FSHR: variants seen among roughly 807,000 people sequenced by gnomAD.
The protein encoded by FSHR is follicle-stimulating hormone receptor.
In FSHR, 46 loss-of-function variants were observed where a neutral mutation model predicts 52.1. That is an observed-to-expected ratio of 0.88 (90% CI 0.70 to 1.13). The LOEUF is 1.13. FSHR is among the 50% of genes most tolerant of loss of function. FSHR has a pLI of 0.00. For missense variants in FSHR, 964 were observed against 834.6 expected (o/e 1.16, Z -1.91); for synonymous variants, 399 against 309.6 (o/e 1.29, Z -3.03).
At chr2:49,021,863 C>CTCTCTCTCTCTCTCTATATA (rs1467766420) in intron 2 of FSHR, among the ~76,000 whole-genome samples, 4 of 49,870 alleles carry the variant, frequency 8.0e-5, no homozygotes, top group Non-Finnish European at 1.1e-4. Flanking sequence ...CTCTCTCTCT[C>CTCTCTCTCTCTCTCTATATA]TATATATATA....
chr2:49,071,407 A>T (rs1427574108), intron 1 of FSHR, among the ~76,000 whole-genome samples: 1 of 152,214 alleles, frequency 6.6e-6, no homozygotes, highest in Non-Finnish European at 1.5e-5. Flanking sequence ...ATAACTGCCA[A>T]TTTAAAATTC....
intron 2 of FSHR, among the ~76,000 whole-genome samples, chr2:49,055,642 C>A (rs1201562275): frequency 6.8e-6 from 1 of 146,742 alleles, no homozygotes; most frequent in Non-Finnish European, 1.5e-5. Context: ...AAAAGGCAAA[C>A]TTCTAAAAAC....
intron 9 of FSHR, among the ~76,000 whole-genome samples, chr2:48,967,118 C>T (rs1212607342): frequency 6.6e-6 from 1 of 152,148 alleles, no homozygotes; most frequent in African/African-American, 2.4e-5. Flanking sequence ...TTTTTAAAGA[C>T]AGGGTCTCAC....
intron 6 of FSHR, among the ~76,000 whole-genome samples, chr2:48,985,697 GTTTTTTT>G (rs70946839): frequency 3.0e-5 from 3 of 99,540 alleles, no homozygotes; most frequent in African/African-American, 4.2e-5. Flanking sequence ...GCAAGTACAG[GTTTTTTT>G]TTTTTTTTTT....
At chr2:49,125,714 C>A (rs777440788) in intron 1 of FSHR, among the ~76,000 whole-genome samples, 1 of 152,146 alleles carries the variant, frequency 6.6e-6, no homozygotes, top group Non-Finnish European at 1.5e-5. Context: ...ATCACTGCCT[C>A]GAATTTGCAG....
chr2:49,082,746 C>T (rs951240215), intron 1 of FSHR, among the ~76,000 whole-genome samples: 45 of 151,810 alleles, frequency 3.0e-4, no homozygotes, highest in African/African-American at 8.9e-4. Flanking sequence ...AGGGTATCAG[C>T]GATGGAAGAT....
chr2:49,020,027 G>A, intron 3 of FSHR, 59 bp downstream of exon 3: 1 of 1,411,032 alleles, frequency 7.1e-7, no homozygotes, highest in Admixed American at 1.7e-5. Flanking sequence ...GAATGTAGAA[G>A]AACTTTAAGG....
intron 2 of FSHR, among the ~76,000 whole-genome samples, chr2:49,041,292 A>G (rs1462546050): frequency 6.6e-6 from 1 of 152,136 alleles, no homozygotes; most frequent in East Asian, 1.9e-4. Flanking sequence ...TAGAAATGGA[A>G]CTCACTCAGT....
chr2:49,048,133 G>C (rs1668724938), intron 2 of FSHR, among the ~76,000 whole-genome samples: 1 of 152,094 alleles, frequency 6.6e-6, no homozygotes, highest in Admixed American at 6.6e-5. Flanking sequence ...TGATCTGCCA[G>C]TCACAGCCTC....
intron 1 of FSHR, among the ~76,000 whole-genome samples, chr2:49,135,712 CCTA>C (rs949834285): frequency 1.3e-5 from 2 of 152,110 alleles, no homozygotes; most frequent in Non-Finnish European, 2.9e-5. Context: ...CTACTAATAG[CCTA>C]CTGTCAACCA....
intron 1 of FSHR, among the ~76,000 whole-genome samples, chr2:49,127,968 C>A (rs1672126235): frequency 6.7e-6 from 1 of 148,768 alleles, no homozygotes; most frequent in African/African-American, 2.5e-5. Flanking sequence ...TCTCCACTCA[C>A]CGCAACCTCT....
chr2:49,051,453 C>T (rs983339541), intron 2 of FSHR, among the ~76,000 whole-genome samples: 14 of 152,132 alleles, frequency 9.2e-5, no homozygotes, highest in South Asian at 2.1e-4. Flanking sequence ...AGCATCTTTT[C>T]GTATGCTTAT....
chr2:48,996,060 G>A (rs781181346), intron 4 of FSHR, among the ~76,000 whole-genome samples: 40 of 152,050 alleles, frequency 2.6e-4, no homozygotes, highest in Non-Finnish European at 4.0e-4. Context: ...TAGCCAAAGC[G>A]CATTTCCTAG....
At chr2:49,086,259 G>A (rs993560161) in intron 1 of FSHR, among the ~76,000 whole-genome samples, 3 of 152,084 alleles carry the variant, frequency 2.0e-5, no homozygotes, top group East Asian at 3.9e-4. Flanking sequence ...ATTTGAATAG[G>A]TGCCAGCACT....
chr2:49,141,097 T>C (rs562880300), intron 1 of FSHR, among the ~76,000 whole-genome samples: 2 of 152,184 alleles, frequency 1.3e-5, no homozygotes, highest in Non-Finnish European at 2.9e-5. Flanking sequence ...AACAGCTCCT[T>C]GACATTAGCC....
intron 1 of FSHR, among the ~76,000 whole-genome samples, chr2:49,125,075 G>T (rs1268313977): frequency 1.3e-5 from 2 of 152,168 alleles, no homozygotes; most frequent in South Asian, 4.1e-4. Context: ...CACATGGTTT[G>T]GTCCTTCAAC....
intron 1 of FSHR, among the ~76,000 whole-genome samples, chr2:49,076,798 T>A (rs777365019): frequency 1.3e-5 from 2 of 152,098 alleles, no homozygotes; most frequent in South Asian, 2.1e-4. Flanking sequence ...CAAAACAAAT[T>A]TGGCCAATTT....
chr2:49,040,262 T>C (rs1668433443), intron 2 of FSHR, among the ~76,000 whole-genome samples: 1 of 152,204 alleles, frequency 6.6e-6, no homozygotes, highest in South Asian at 2.1e-4. Context: ...TATTGTGAGA[T>C]GGTTAGACCA....
chr2:49,021,882 TATATAGAGAGAGAGAGAGAGAGAG>T (rs1259832168), intron 2 of FSHR, among the ~76,000 whole-genome samples: 25 of 43,918 alleles, frequency 5.7e-4, no homozygotes, highest in African/African-American at 2.0e-3. Context: ...TATATATATA[TATATAGAGAGAGAGAGAGAGAGAG>T]AGAGAGAGAG....
Sources: gnomAD v4.1 joint callset for allele counts (sites outside exome capture counted in the v4.1 genomes callset) on GRCh38, gnomAD v4.1.1 for gene constraint, MANE v1.5 for transcripts, NCBI Gene and HGNC (gene_info 2026-07-23, HGNC 2026-07-21) for gene names.